Variants in FAM193A observed in about 807,000 individuals in gnomAD.
FAM193A encodes the protein protein FAM193A.
FAM193A carries 22 observed loss-of-function variants against 126.5 expected under a neutral mutation model. The ratio of observed to expected loss-of-function variants is 0.17; its 90% CI spans 0.12 to 0.25. FAM193A has a LOEUF of 0.25. FAM193A is among the 10% of genes least tolerant of loss of function. FAM193A has a pLI of 1.00. For missense variants in FAM193A, 1,675 were observed against 1,672.8 expected (o/e 1.00, Z -0.02); for synonymous variants, 761 against 646.8 (o/e 1.18, Z -2.68).
At chr4:2,721,805 A>T (rs1377796671) in intron 20 of FAM193A, among the ~76,000 whole-genome samples, 1 of 152,220 alleles carries the variant, frequency 6.6e-6, no homozygotes, top group Non-Finnish European at 1.5e-5. Context: ...GTGCACGACT[A>T]GAGGTTCTCC....
chr4:2,715,678 C>T (rs989989086), intron 19 of FAM193A, among the ~76,000 whole-genome samples: 1 of 152,130 alleles, frequency 6.6e-6, no homozygotes, highest in Non-Finnish European at 1.5e-5. Context: ...GGCTTGCGTG[C>T]GAATTAGATT....
At chr4:2,647,609 G>C (rs185929067) in intron 7 of FAM193A, among the ~76,000 whole-genome samples, 3 of 152,128 alleles carry the variant, frequency 2.0e-5, no homozygotes, top group Non-Finnish European at 4.4e-5. Context: ...GCTGGAGGTG[G>C]ATCTGAAGGG....
chr4:2,606,345 C>T (rs907546947), intron 2 of FAM193A, among the ~76,000 whole-genome samples: 5 of 152,192 alleles, frequency 3.3e-5, no homozygotes, highest in East Asian at 1.9e-4. Flanking sequence ...CCACCGCATC[C>T]GGCCTAACAA....
At chr4:2,676,570 A>G (rs1052523252) in intron 13 of FAM193A, among the ~76,000 whole-genome samples, 2 of 152,186 alleles carry the variant, frequency 1.3e-5, no homozygotes, top group Non-Finnish European at 2.9e-5. Context: ...TTTATCAGAT[A>G]TATGATTTGC....
intron 5 of FAM193A, among the ~76,000 whole-genome samples, chr4:2,636,291 C>T (rs895466098): frequency 6.6e-6 from 1 of 152,034 alleles, no homozygotes; most frequent in African/African-American, 2.4e-5. Flanking sequence ...TCTCGATCTC[C>T]TGACCTCGTG....
At chr4:2,625,934 G>C (rs969560307) in intron 3 of FAM193A, among the ~76,000 whole-genome samples, 7 of 152,074 alleles carry the variant, frequency 4.6e-5, no homozygotes, top group African/African-American at 1.7e-4. Context: ...ATGTTGCCCA[G>C]GCTGGTCTCA....
intron 7 of FAM193A, among the ~76,000 whole-genome samples, chr4:2,657,350 T>A (rs1041418909): frequency 2.0e-5 from 3 of 152,220 alleles, no homozygotes; most frequent in Admixed American, 6.5e-5. Context: ...CTTTAACTCC[T>A]AACTTCTTTG....
chr4:2,726,415 ACC>A (rs1720752079), intron 20 of FAM193A, among the ~76,000 whole-genome samples: 1 of 151,866 alleles, frequency 6.6e-6, no homozygotes, highest in Non-Finnish European at 1.5e-5. Context: ...GTTCTTTCTA[ACC>A]CCCTTCCCTT....
At chr4:2,724,362 C>CA (rs773167071) in intron 20 of FAM193A, among the ~76,000 whole-genome samples, 6 of 152,216 alleles carry the variant, frequency 3.9e-5, no homozygotes, top group Non-Finnish European at 7.4e-5. Flanking sequence ...TTTCCTTTGA[C>CA]AAAACCACAT....
intron 7 of FAM193A, among the ~76,000 whole-genome samples, chr4:2,653,747 A>G (rs1435595543): frequency 1.3e-5 from 2 of 152,102 alleles, no homozygotes; most frequent in Non-Finnish European, 2.9e-5. Context: ...CAGCCAGGAG[A>G]TGCATTTTTA....
intron 2 of FAM193A, among the ~76,000 whole-genome samples, chr4:2,623,888 G>A (rs904358845): frequency 6.6e-6 from 1 of 152,098 alleles, no homozygotes; most frequent in Non-Finnish European, 1.5e-5. Context: ...TGCTGTGGGG[G>A]TCAGGGGGAT....
intron 2 of FAM193A, among the ~76,000 whole-genome samples, chr4:2,619,112 T>C (rs1490723780): frequency 6.6e-6 from 1 of 152,206 alleles, no homozygotes; most frequent in East Asian, 1.9e-4. Context: ...GTGTATTTTT[T>C]TCTTTTATGT....
intron 13 of FAM193A, among the ~76,000 whole-genome samples, chr4:2,678,271 A>G (rs1234981403): frequency 6.6e-6 from 1 of 151,212 alleles, no homozygotes; most frequent in Non-Finnish European, 1.5e-5. Context: ...GGCGTGAGCC[A>G]CCGCGCCTGG....
chr4:2,703,801 T>TTA (rs369788436), intron 19 of FAM193A, among the ~76,000 whole-genome samples: 2 of 129,084 alleles, frequency 1.5e-5, no homozygotes, highest in Non-Finnish European at 3.3e-5. Flanking sequence ...CCATCTCTAC[T>TTA]AAAAAAAAAA....
intron 2 of FAM193A, chr4:2,607,778 C>T: frequency 2.0e-6 from 1 of 504,680 alleles, no homozygotes; most frequent in South Asian, 2.5e-5. Flanking sequence ...TCGGACCACA[C>T]TTTGAGAACC....
chr4:2,664,307 T>C (rs1260511458), intron 12 of FAM193A, among the ~76,000 whole-genome samples: 1 of 152,188 alleles, frequency 6.6e-6, no homozygotes, highest in Non-Finnish European at 1.5e-5. Flanking sequence ...TATATAGATA[T>C]CCAATTGTTT....
chr4:2,702,895 G>A (rs1717897035), intron 19 of FAM193A, among the ~76,000 whole-genome samples: 4 of 152,060 alleles, frequency 2.6e-5, no homozygotes, highest in Admixed American at 2.6e-4. Flanking sequence ...GTACAATTAC[G>A]TTATTGATTG....
intron 2 of FAM193A, among the ~76,000 whole-genome samples, chr4:2,608,663 C>G (rs1741684173): frequency 1.3e-5 from 2 of 152,004 alleles, no homozygotes; most frequent in Non-Finnish European, 2.9e-5. Flanking sequence ...GTTGGTTGGT[C>G]TTAATAACAT....
intron 1 of FAM193A, among the ~76,000 whole-genome samples, chr4:2,572,797 T>TA (rs374060401): frequency 5.4e-5 from 8 of 147,480 alleles, no homozygotes; most frequent in Non-Finnish European, 8.9e-5. Flanking sequence ...TTTTTTTTTT[T>TA]AAAGACCTGG....
Sources: gnomAD v4.1 joint callset for allele counts (sites outside exome capture counted in the v4.1 genomes callset) on GRCh38, gnomAD v4.1.1 for gene constraint, MANE v1.5 for transcripts, NCBI Gene and HGNC (gene_info 2026-07-23, HGNC 2026-07-21) for gene names.